Variants in BLTP1 observed in about 807,000 individuals in gnomAD.
The protein encoded by BLTP1 is bridge-like lipid transfer protein family member 1, also known as fragile site-associated protein.
At chr4:122,224,346 G>A in the BLTP1 span, 7 of 837,074 alleles carry the variant, frequency 8.4e-6, no homozygotes, top group Non-Finnish European at 1.8e-6. Context: ...ACCTCTGCGG[G>A]TACAAGGTTG....
At chr4:122,270,489 CA>C in the BLTP1 span, 1 of 352,752 alleles carries the variant, frequency 2.8e-6, no homozygotes, top group Middle Eastern at 1.3e-3. Flanking sequence ...GAGGATTTGC[CA>C]AAATAATTTT....
the BLTP1 span, chr4:122,200,267 G>C: frequency 1.0e-6 from 1 of 985,268 alleles, no homozygotes; most frequent in African/African-American, 1.7e-5. Flanking sequence ...TAGGTAGGCA[G>C]CTTTTCCCTT....
At chr4:122,270,274 T>G in the BLTP1 span, 1 of 734,486 alleles carries the variant, frequency 1.4e-6, no homozygotes, top group African/African-American at 1.9e-5. Context: ...GCTTCTGATT[T>G]TTTTCTTTTT....
the BLTP1 span, among the ~76,000 whole-genome samples, chr4:122,252,255 T>C: frequency 6.6e-6 from 1 of 152,228 alleles, no homozygotes; most frequent in African/African-American, 2.4e-5. Context: ...AGATTCTTTC[T>C]GCTTGAGAAA....
At chr4:122,260,320 A>G in the BLTP1 span, among the ~76,000 whole-genome samples, 4,316 of 152,320 alleles carry the variant, frequency 0.028, 138 homozygotes, top group African/African-American at 0.08. Flanking sequence ...TATGTGGCAC[A>G]TGACTGTATT....
chr4:122,180,443 C>T, the BLTP1 span, among the ~76,000 whole-genome samples: 2 of 152,288 alleles, frequency 1.3e-5, no homozygotes, highest in Admixed American at 6.5e-5. Flanking sequence ...AGCTCTATTG[C>T]ACTCTTGCTG....
At chr4:122,228,553 C>G in the BLTP1 span, among the ~76,000 whole-genome samples, 1 of 152,258 alleles carries the variant, frequency 6.6e-6, no homozygotes, top group African/African-American at 2.4e-5. Flanking sequence ...CATTTTCATG[C>G]TATTGGGCCA....
At chr4:122,243,524 T>G in the BLTP1 span, 2 of 719,766 alleles carry the variant, frequency 2.8e-6, no homozygotes, top group Non-Finnish European at 1.7e-6. Context: ...GCAGATCACT[T>G]GAGGTCAGGA....
the BLTP1 span, chr4:122,243,059 CA>C: frequency 1.2e-6 from 2 of 1,612,514 alleles, no homozygotes; most frequent in South Asian, 2.2e-5. Flanking sequence ...CTTTCAGGAT[CA>C]ACTTCAAAGT....
At chr4:122,250,363 A>C in the BLTP1 span, 5 of 1,596,284 alleles carry the variant, frequency 3.1e-6, no homozygotes, top group Non-Finnish European at 3.4e-6. Flanking sequence ...TTTTTATAGG[A>C]GGAAGACAGT....
At chr4:122,188,862 G>A in the BLTP1 span, 1 of 757,498 alleles carries the variant, frequency 1.3e-6, no homozygotes, top group Non-Finnish European at 1.6e-6. Context: ...TGTGAAACAT[G>A]ATTATTCCTT....
chr4:122,168,216 G>A, the BLTP1 span, among the ~76,000 whole-genome samples: 1 of 152,102 alleles, frequency 6.6e-6, no homozygotes, highest in Non-Finnish European at 1.5e-5. Flanking sequence ...ATACTGTAGG[G>A]TTTCTGTCTT....
the BLTP1 span, chr4:122,316,776 G>A: frequency 4.9e-5 from 79 of 1,613,020 alleles, no homozygotes; most frequent in East Asian, 7.1e-4. Context: ...CTAGCCAGCC[G>A]GGAGAACTTA....
the BLTP1 span, chr4:122,226,858 A>G: frequency 1.7e-5 from 27 of 1,547,894 alleles, no homozygotes; most frequent in Non-Finnish European, 9.6e-6. Flanking sequence ...ATATGTTAGC[A>G]ATATTATAAA....
At chr4:122,246,476 A>T in the BLTP1 span, 1 of 579,956 alleles carries the variant, frequency 1.7e-6, no homozygotes, top group Non-Finnish European at 2.2e-6. Flanking sequence ...CTTAAGCAGA[A>T]TATTAGGTAA....
the BLTP1 span, chr4:122,204,763 C>T: frequency 5.3e-4 from 286 of 540,394 alleles, no homozygotes; most frequent in African/African-American, 5.4e-3. Flanking sequence ...AAGTGTTAGA[C>T]GCTGTGCTAA....
At chr4:122,321,879 C>G in the BLTP1 span, among the ~76,000 whole-genome samples, 1 of 148,536 alleles carries the variant, frequency 6.7e-6, no homozygotes, top group South Asian at 2.1e-4. Flanking sequence ...ATATTTTACT[C>G]CACTGCCTTC....
chr4:122,238,498 G>A, the BLTP1 span: 2 of 636,890 alleles, frequency 3.1e-6, no homozygotes, highest in Non-Finnish European at 5.5e-6. Flanking sequence ...ATGTCAGTTT[G>A]CTGTTGTCTG....
chr4:122,350,262 A>G, the BLTP1 span: 1 of 985,436 alleles, frequency 1.0e-6, no homozygotes, highest in Non-Finnish European at 1.2e-6. Context: ...ATTTAGGAAG[A>G]CATCATTTGT....
Sources: gnomAD v4.1 joint callset for allele counts (sites outside exome capture counted in the v4.1 genomes callset) on GRCh38, gnomAD v4.1.1 for gene constraint, MANE v1.5 for transcripts, NCBI Gene and HGNC (gene_info 2026-07-23, HGNC 2026-07-21) for gene names.